The following CCN2 variants were observed in gnomAD, a reference collection of about 807,000 sequenced individuals.
CCN2 encodes cellular communication network factor 2, also known as CCN family member 2.
In CCN2, 22 loss-of-function variants were observed where a neutral mutation model predicts 33.2. The ratio of observed to expected loss-of-function variants is 0.66; its 90% CI spans 0.47 to 0.95. The LOEUF (loss-of-function observed/expected upper bound fraction) is 0.95, where lower values mean the gene tolerates loss of function less well. CCN2 is among the 40% of genes least tolerant of loss of function. CCN2 has a pLI of 0.00. For synonymous variants in CCN2, 178 were observed against 200.6 expected (o/e 0.89, Z 0.95); for missense variants, 469 against 498.8 (o/e 0.94, Z 0.57).
In CCN2 at chr6:131,949,934, G is replaced by C; in HGVS notation, c.753+15C>G. ...TTTTCCTGTGAAAAATAGTTAATAG[G>C]AGCAGAACATGTACCTTAATGTTCT... On this transcript the variant is annotated intron_variant, in intron 4 of 4. Coordinates refer to ENST00000367976, the MANE Select transcript of CCN2 (RefSeq NM_001901.4). 1 of 1,613,230 alleles carries C rather than the reference G, an allele frequency of 6.2e-7. No individual in the cohort carries two copies. The highest frequency in any genetic ancestry group is 8.5e-7 in the Non-Finnish European group (1 of 1,179,424).
At chr6:131,949,606 A>C (rs1330405291) in intron 4 of CCN2, 46 bp from the exon 5 acceptor site, 2 of 1,504,068 alleles carry the variant, frequency 1.3e-6, no homozygotes, top group Non-Finnish European at 9.2e-7. Flanking sequence ...AAAATCAGCG[A>C]CTCTACAAGA....
Position 131,950,350 on chromosome 6 carries a change from G to T in CCN2, c.483C>A (p.Cys161Ter). ...PRRVKLPGKC[C>*]EEWVCDEPKD... The stretch of plus-strand genomic sequence containing the variant: ...TGGGCTCGTCACACACCCACTCCTC[G>T]CAGCATTTCCCGGGCAGCTTGACCC... Residue 161 changes from cysteine to a stop codon, truncating the protein, a stop_gained, in exon 3 of 5, where the codon TGC (cysteine) becomes TGA (stop). Coordinates refer to ENST00000367976, the MANE Select transcript of CCN2 (RefSeq NM_001901.4). LOFTEE classifies it high-confidence loss of function. This position sits in a 1 kb window ranked among gnomAD's most constrained non-coding sequence, Gnocchi z 7.1. The T allele has an allele frequency of 6.2e-7, 1 of 1,614,142 alleles. No individual in the cohort carries two copies. The highest frequency in any genetic ancestry group is 8.5e-7 in the Non-Finnish European group (1 of 1,180,028).
rs1247277403 is a variant in CCN2, at chr6:131,949,405, C to T, written c.909G>A (p.Val303=). 1 of 1,614,194 alleles carries T rather than the reference C, an allele frequency of 6.2e-7. No individual in the cohort carries two copies. The highest frequency in any genetic ancestry group is 1.1e-5 in the South Asian group (1 of 91,086). Residue 303 remains valine, a synonymous_variant, in exon 5 of 5, where the codon GTG becomes GTA. Transcript: ENST00000367976. ...CTPHRTTTLP[V]EFKCPDGEVM... ...CCTCGCCGTCAGGGCACTTGAACTCCACCGGCAGGGTGGTGGTTCTGTGGG... is the reference window on the plus strand; with the variant it reads ...CCTCGCCGTCAGGGCACTTGAACTCTACCGGCAGGGTGGTGGTTCTGTGGG...
Position 131,950,442 on chromosome 6 carries a change from C to A in CCN2, c.391G>T (p.Val131Leu), listed in dbSNP as rs776713121. Residue 131 changes from valine to leucine, a missense_variant, in exon 3 of 5, where the codon GTG (valine) becomes TTG (leucine). Transcript: ENST00000367976. The surrounding 1 kb of genome is among the most constrained non-coding windows in gnomAD (Gnocchi z 7.1). ...KYQCTCLDGA[V>L]GCMPLCSMDV... ...ATGCTGCACAGGGGCATGCAGCCCA[C>A]CGCCCCGTCCAGGCACGTGCACTGG... 6.2e-7 allele frequency: 1 copy of A among 1,614,008 alleles called. No individual in the cohort carries two copies. Among genetic ancestry groups the A allele is most frequent in the Non-Finnish European group, 8.5e-7 (1 of 1,180,044 alleles).
Position 131,949,007 on chromosome 6 carries a change from C to T in CCN2, c.*257G>A, listed in dbSNP as rs892762343. ...TACCCTCCCACTGCTCCTAAAGCCA[C>T]ACCTTAATATACATTCTGGTGCTGT... On this transcript the variant is annotated 3_prime_UTR_variant, in exon 5 of 5. Transcript: ENST00000367976. 3.2e-5 allele frequency: 16 copies of T among 502,554 alleles called. No individual in the cohort carries two copies. Among genetic ancestry groups the T allele is most frequent in the Non-Finnish European group, 5.4e-5 (15 of 276,970 alleles). 31.1% of individuals were successfully genotyped at this position (502,554 alleles called of 1,614,324 possible).
At chr6:131,951,021 G>T in intron 1 of CCN2, 29 bp from the exon 2 acceptor site, 1 of 1,256,778 alleles carries the variant, frequency 8.0e-7, no homozygotes, top group East Asian at 3.4e-5. Context: ...GGTCAGCGGC[G>T]CTCGGTCGGC....
Position 131,950,692 on chromosome 6 carries a change from G to C in CCN2, c.289+78C>G. On this transcript the variant is annotated intron_variant, in intron 2 of 4. Coordinates refer to ENST00000367976, the MANE Select transcript of CCN2 (RefSeq NM_001901.4). The surrounding 1 kb of genome is among the most constrained non-coding windows in gnomAD (Gnocchi z 7.1). ...CTGGAGAAAGAAACTCAGTCCGAGC[G>C]GTTTCTTTTTCCAGCGGGCGGGTGG... 1 of 1,477,164 alleles carries C rather than the reference G, an allele frequency of 6.8e-7. No individual in the cohort carries two copies. The highest frequency in any genetic ancestry group is 9.1e-7 in the Non-Finnish European group (1 of 1,100,618). The allele number at this position is 1,477,164 out of a possible 1,614,324, so 91.5% of individuals were successfully genotyped here. A position where few individuals can be genotyped will look rare whatever the true frequency, so the allele number is the denominator to read the frequency against.
In CCN2 at chr6:131,949,144, C is replaced by T. The variant is rs1783060845; in HGVS notation, c.*120G>A. 19 of 890,524 alleles carry T rather than the reference C, an allele frequency of 2.1e-5. No individual in the cohort carries two copies. In the South Asian group the frequency reaches 2.9e-4, roughly 13 times the overall value. 55.2% of individuals were successfully genotyped at this position (890,524 alleles called of 1,614,324 possible). A position where few individuals can be genotyped will look rare whatever the true frequency, so the allele number is the denominator to read the frequency against. ...GTTTTGAATTGGGTGGGAATCTTTT[C>T]CCCCAGTTAGAAAAACAGATTTAAA... On this transcript the variant is annotated 3_prime_UTR_variant, in exon 5 of 5. Transcript: ENST00000367976.
chr6:131,950,816 G>A lies in CCN2; in HGVS notation c.243C>T (p.Phe81=), dbSNP rs763378768. 1.3e-6 allele frequency: 2 copies of A among 1,545,320 alleles called. No individual in the cohort carries two copies. Among genetic ancestry groups the A allele is most frequent in the Middle Eastern group, 2.1e-4 (1 of 4,816 alleles). Residue 81 remains phenylalanine, a synonymous_variant, in exon 2 of 5, where the codon TTC becomes TTT. Coordinates refer to ENST00000367976, the MANE Select transcript of CCN2 (RefSeq NM_001901.4). This position sits in a 1 kb window ranked among gnomAD's most constrained non-coding sequence, Gnocchi z 7.1. ...GGTTGGCCGGGGAGCCGAAGTGACA[G>A]AATAGGCCCTTGTGCGGGTCGCATG... ...RDPCDPHKGL[F]CHFGSPANRK...
In CCN2 at chr6:131,949,947, A is replaced by G. The variant is rs1304707296; in HGVS notation, c.753+2T>C. 1 of 1,614,060 alleles carries G rather than the reference A, an allele frequency of 6.2e-7. No homozygotes were observed. The highest frequency in any genetic ancestry group is 2.2e-5 in the East Asian group (1 of 44,876). ...AATAGTTAATAGGAGCAGAACATGT[A>G]CCTTAATGTTCTCTTCCAGGTCAGC... is the stretch of plus-strand genomic sequence containing the variant. On this transcript the variant is annotated splice_donor_variant, in intron 4 of 4. Transcript: ENST00000367976. LOFTEE classifies it high-confidence loss of function.
In CCN2 at chr6:131,949,265, C is replaced by T; in HGVS notation, c.1049G>A (p.Ter350=). 6.2e-7 allele frequency: 1 copy of T among 1,612,648 alleles called. No homozygotes were observed. The highest frequency in any genetic ancestry group is 8.5e-7 in the Non-Finnish European group (1 of 1,178,770). The part of the protein sequence containing the change: ...YYRKMYGDMA[*] Reference sequence around the variant, plus strand: ...GTTAATGTCTCTCACTCTCTGGCTTCATGCCATGTCTCCGTACATCTTCCT... The same window carrying T: ...GTTAATGTCTCTCACTCTCTGGCTTTATGCCATGTCTCCGTACATCTTCCT... Residue 350 remains the stop codon, a stop_retained_variant, in exon 5 of 5, where the codon TGA becomes TAA. Transcript: ENST00000367976.
Position 131,950,342 on chromosome 6 carries a change from C to G in CCN2, c.491G>C (p.Trp164Ser), listed in dbSNP as rs1783085975. 2 of 1,614,182 alleles carry G rather than the reference C, an allele frequency of 1.2e-6. No homozygotes were observed. Among genetic ancestry groups the G allele is most frequent in the Admixed American group, 1.7e-5 (1 of 60,026 alleles). The part of the protein sequence containing the change: ...VKLPGKCCEE[W>S]VCDEPKDQTV... Reference sequence around the variant, plus strand: ...TTGGTCCTTGGGCTCGTCACACACCCACTCCTCGCAGCATTTCCCGGGCAG... The same window carrying G: ...TTGGTCCTTGGGCTCGTCACACACCGACTCCTCGCAGCATTTCCCGGGCAG... Residue 164 changes from tryptophan to serine, a missense_variant, in exon 3 of 5, where the codon TGG becomes TCG. Coordinates refer to ENST00000367976, the MANE Select transcript of CCN2 (RefSeq NM_001901.4). The surrounding 1 kb of genome is among the most constrained non-coding windows in gnomAD (Gnocchi z 7.1).
At chr6:131,949,633 A>G (rs1783072346) in intron 4 of CCN2, 73 bp from the exon 5 acceptor site, 1 of 1,366,364 alleles carries the variant, frequency 7.3e-7, no homozygotes, top group Non-Finnish European at 1.0e-6. Flanking sequence ...GCTTTCTTCA[A>G]CCCTCTGTGT....
Position 131,951,206 on chromosome 6 carries a change from G to A in CCN2, c.-34C>T. On this transcript the variant is annotated 5_prime_UTR_variant, in exon 1 of 5. Coordinates refer to ENST00000367976, the MANE Select transcript of CCN2 (RefSeq NM_001901.4). Reference sequence around the variant, plus strand: ...CTGCGGGCGGAGCGGAGGGCGCGGTGGCGGCGAGCGGGGAGCGGCGGGGCC... The same window carrying A: ...CTGCGGGCGGAGCGGAGGGCGCGGTAGCGGCGAGCGGGGAGCGGCGGGGCC... The A allele has an allele frequency of 7.8e-7, 1 of 1,277,712 alleles. No homozygotes were observed. Among genetic ancestry groups the A allele is most frequent in the Non-Finnish European group, 9.9e-7 (1 of 1,013,904 alleles). 79.1% of individuals were successfully genotyped at this position (1,277,712 alleles called of 1,614,324 possible). A position where few individuals can be genotyped will look rare whatever the true frequency, so the allele number is the denominator to read the frequency against.
rs1585880694 is a variant in CCN2 at position 131,950,143 on chromosome 6, T to C, written c.559A>G (p.Thr187Ala). 7.4e-6 allele frequency: 12 copies of C among 1,614,210 alleles called. No homozygotes were observed. The East Asian group carries it at 1.3e-4, about 18-fold the overall frequency. ...PALAAYRLED[T>A]FGPDPTMIRA... ...ATCATAGTTGGGTCTGGGCCAAACG[T>C]GTCTTCCAGTCGGTAAGCTGCGAGA... Residue 187 changes from threonine (T) to alanine (A), a missense_variant, in exon 4 of 5, where the codon ACG (threonine) becomes GCG (alanine). Physicochemically the swap from Thr to Ala is moderately conservative, Grantham distance 58 (BLOSUM62 0). Coordinates refer to ENST00000367976, the MANE Select transcript of CCN2 (RefSeq NM_001901.4). The surrounding 1 kb of genome is among the most constrained non-coding windows in gnomAD (Gnocchi z 7.1).
In CCN2 at chr6:131,948,235, G is replaced by C. The variant is rs1276459335; in HGVS notation, c.*1029C>G. ...GAAAGGTGCAAACATGTAACTTTTG[G>C]TCACACTCTCAACAAATAAACTGTC... On this transcript the variant is annotated 3_prime_UTR_variant, in exon 5 of 5. Transcript: ENST00000367976. 1 of 152,468 alleles carries C rather than the reference G, an allele frequency of 6.6e-6. No individual in the cohort carries two copies. Among genetic ancestry groups the C allele is most frequent in the Non-Finnish European group, 1.5e-5 (1 of 68,004 alleles). The allele number at this position is 152,468 out of a possible 1,614,324, so 9.4% of individuals were successfully genotyped here.
chr6:131,948,908 T>C lies in CCN2; in HGVS notation c.*356A>G. 3.8e-6 allele frequency: 1 copy of C among 262,588 alleles called. No homozygotes were observed. Among genetic ancestry groups the C allele is most frequent in the African/African-American group, 2.2e-5 (1 of 46,034 alleles). The allele number at this position is 262,588 out of a possible 1,614,324, so 16.3% of individuals were successfully genotyped here. ...TCAGTGAGCACGCTAAAATTTTCCT[T>C]CTCAATTACACTTCAAATAGCAGGC... On this transcript the variant is annotated 3_prime_UTR_variant, in exon 5 of 5. Transcript: ENST00000367976.
At chr6:131,949,587 G>GT in intron 4 of CCN2, 27 bp from the exon 5 acceptor site, 1 of 692,462 alleles carries the variant, frequency 1.4e-6, no homozygotes, top group Non-Finnish European at 2.3e-6. Context: ...AAAAGAGAGA[G>GT]GAAAAAAAAA....
In CCN2 at chr6:131,949,148, C is replaced by T. The variant is rs1783060972; in HGVS notation, c.*116G>A. ...TGAATTGGGTGGGAATCTTTTCCCC[C>T]AGTTAGAAAAACAGATTTAAATAAC... On this transcript the variant is annotated 3_prime_UTR_variant, in exon 5 of 5. Transcript: ENST00000367976. The T allele has an allele frequency of 2.1e-6, 2 of 931,430 alleles. No individual in the cohort carries two copies. Among genetic ancestry groups the T allele is most frequent in the East Asian group, 4.9e-5 (2 of 41,056 alleles). The allele number at this position is 931,430 out of a possible 1,614,324, so 57.7% of individuals were successfully genotyped here. A position where few individuals can be genotyped will look rare whatever the true frequency, so the allele number is the denominator to read the frequency against.
Sources: gnomAD v4.1 joint callset for allele counts on GRCh38, gnomAD v4.1.1 for gene constraint, Gnocchi (gnomAD v3.1) non-coding constraint, MANE v1.5 for transcripts, NCBI Gene and HGNC (gene_info 2026-07-23, HGNC 2026-07-21) for gene names.